The following TBC1D15 variants were observed in gnomAD, a reference collection of about 807,000 sequenced individuals.
TBC1D15 encodes TBC1 domain family member 15, also known as GAP for RAB7.
A neutral mutation model predicts 95.4 loss-of-function variants in TBC1D15; 39 were observed. That is an observed-to-expected ratio of 0.41 (90% CI 0.32 to 0.53). The LOEUF (loss-of-function observed/expected upper bound fraction) is 0.53, where lower values mean the gene tolerates loss of function less well. Ranked by LOEUF, TBC1D15 falls within the 20% of genes least tolerant of loss-of-function variation. The pLI is 0.29. For missense variants in TBC1D15, 733 were observed against 794.3 expected (o/e 0.92, Z 0.93); for synonymous variants, 258 against 261.3 (o/e 0.99, Z 0.12).
chr12:71,879,032 T>C (rs1318780203), intron 3 of TBC1D15, among the ~76,000 whole-genome samples: 2 of 152,210 alleles, frequency 1.3e-5, no homozygotes, highest in African/African-American at 2.4e-5. Flanking sequence ...AAAAGAATTA[T>C]ACTATTGACA....
chr12:71,874,599 C>T (rs1893383477), intron 3 of TBC1D15, among the ~76,000 whole-genome samples: 1 of 150,884 alleles, frequency 6.6e-6, no homozygotes, highest in South Asian at 2.1e-4. Context: ...ATCTTTTGCC[C>T]ATTTATTTAT....
At chr12:71,905,857 T>A (rs376067845) in intron 10 of TBC1D15, among the ~76,000 whole-genome samples, 3 of 152,122 alleles carry the variant, frequency 2.0e-5, no homozygotes, top group East Asian at 3.9e-4. Flanking sequence ...CTCTGTTGTA[T>A]CTCCTTATCT....
At chr12:71,878,161 G>C (rs1461179402) in intron 3 of TBC1D15, among the ~76,000 whole-genome samples, 1 of 152,150 alleles carries the variant, frequency 6.6e-6, no homozygotes. Context: ...AAAAAGGGCT[G>C]GGAGTCTTGC....
intron 10 of TBC1D15, among the ~76,000 whole-genome samples, chr12:71,898,634 C>T (rs1196755678): frequency 2.0e-5 from 3 of 152,090 alleles, no homozygotes; most frequent in African/African-American, 7.2e-5. Context: ...GTTCTTATTA[C>T]ACTGTCTCTG....
At chr12:71,877,535 CCTTCCTTCCTTCCTTCCTTCCTTCCTTT>C (rs1269549137) in intron 3 of TBC1D15, among the ~76,000 whole-genome samples, 2,899 of 140,582 alleles carry the variant, frequency 0.021, 136 homozygotes, top group African/African-American at 0.075. Context: ...TTCCTTCCTT[CCTTCCTTCCTTCCTTCCTTCCTTCCTTT>C]CTTCTTTTTC....
intron 4 of TBC1D15, among the ~76,000 whole-genome samples, chr12:71,882,564 T>G (rs1350200606): frequency 6.6e-6 from 1 of 152,248 alleles, no homozygotes; most frequent in African/African-American, 2.4e-5. Flanking sequence ...TTCTTTACCT[T>G]TGCTTTGAGT....
rs956561121 is a variant in TBC1D15 at position 71,884,719 on chromosome 12, A to G, written c.344-92A>G. On this transcript the variant is annotated intron_variant, in intron 4 of 16. Coordinates refer to ENST00000485960, the MANE Select transcript of TBC1D15 (RefSeq NM_001146213.3). The stretch of plus-strand genomic sequence containing the variant: ...AGTGCTATACTGATTCCCTGGGTTC[A>G]ACTAATTTATGTTAGGCAGTCATGG... The G allele has an allele frequency of 3.4e-6, 4 of 1,186,432 alleles. No individual in the cohort carries two copies. In the African/African-American group the frequency reaches 6.1e-5, roughly 18 times the overall value. 73.5% of individuals were successfully genotyped at this position (1,186,432 alleles called of 1,614,324 possible). A position where few individuals can be genotyped will look rare whatever the true frequency, so the allele number is the denominator to read the frequency against.
At chr12:71,903,603 G>A (rs923398918) in intron 10 of TBC1D15, among the ~76,000 whole-genome samples, 5 of 152,124 alleles carry the variant, frequency 3.3e-5, no homozygotes, top group Non-Finnish European at 5.9e-5. Flanking sequence ...CAACAGAGAA[G>A]ACATGAAATC....
intron 12 of TBC1D15, among the ~76,000 whole-genome samples, chr12:71,915,635 A>G (rs1269608983): frequency 1.3e-5 from 2 of 152,092 alleles, no homozygotes; most frequent in Non-Finnish European, 1.5e-5. Context: ...AACATGTGTA[A>G]TAAACACTTT....
chr12:71,908,470 A>G (rs947124402), intron 11 of TBC1D15, among the ~76,000 whole-genome samples: 3 of 152,322 alleles, frequency 2.0e-5, no homozygotes, highest in African/African-American at 7.2e-5. Context: ...TTAGCACATT[A>G]AAACTAAATG....
chr12:71,854,280 A>G (rs1888514396), intron 1 of TBC1D15, among the ~76,000 whole-genome samples: 1 of 152,042 alleles, frequency 6.6e-6, no homozygotes, highest in African/African-American at 2.4e-5. Context: ...TATTATTATT[A>G]TTATTTTTCT....
chr12:71,894,300 C>T (rs763882298), intron 6 of TBC1D15: 5 of 1,610,418 alleles, frequency 3.1e-6, no homozygotes, highest in Non-Finnish European at 4.2e-6. Flanking sequence ...GTACACACTT[C>T]AAGAAATATT....
rs368891768 is a variant in TBC1D15 at position 71,872,155 on chromosome 12, G to A, written c.116G>A (p.Arg39His). The change falls in exon 2 of 17, where the codon CGT becomes CAT. Residue 39 changes from arginine (R) to histidine (H), a missense_variant. Coordinates refer to ENST00000485960, the MANE Select transcript of TBC1D15 (RefSeq NM_001146213.3). Reference sequence around the variant, plus strand: ...GACGGCTTGATTTCAGGAATATTACGTGTTTTAGAAAAGGTAAGTTTCTAG... The same window carrying A: ...GACGGCTTGATTTCAGGAATATTACATGTTTTAGAAAAGGTAAGTTTCTAG... The part of the protein sequence containing the change: ...DQDGLISGIL[R>H]VLEKDAEVIV... 5.8e-6 allele frequency: 9 copies of A among 1,563,566 alleles called. No homozygotes were observed. Among genetic ancestry groups the A allele is most frequent in the African/African-American group, 2.8e-5 (2 of 72,604 alleles).
At chr12:71,878,811 C>G (rs889849106) in intron 3 of TBC1D15, among the ~76,000 whole-genome samples, 1 of 150,978 alleles carries the variant, frequency 6.6e-6, no homozygotes. Context: ...GCTACTGCAC[C>G]TGGCCTGAGG....
chr12:71,892,035 G>C (rs1017965195), intron 5 of TBC1D15, among the ~76,000 whole-genome samples: 1 of 152,090 alleles, frequency 6.6e-6, no homozygotes. Context: ...TTTCTTTTCT[G>C]ATGCTACATT....
At chr12:71,898,876 T>G (rs1898751178) in intron 10 of TBC1D15, among the ~76,000 whole-genome samples, 1 of 152,194 alleles carries the variant, frequency 6.6e-6, no homozygotes, top group Admixed American at 6.5e-5. Flanking sequence ...GCAGTGATAC[T>G]TTTGATCCAA....
At chr12:71,889,832 C>T (rs1896900193) in intron 5 of TBC1D15, among the ~76,000 whole-genome samples, 1 of 152,154 alleles carries the variant, frequency 6.6e-6, no homozygotes, top group Admixed American at 6.5e-5. Flanking sequence ...TGTTGTTCCT[C>T]TCTTTGTGTC....
intron 15 of TBC1D15, 31 bp downstream of exon 15, chr12:71,920,878 T>C: frequency 1.1e-5 from 17 of 1,503,386 alleles, no homozygotes; most frequent in Non-Finnish European, 1.5e-5. Context: ...GATTTTAGTG[T>C]TCTGGCTTTT....
intron 10 of TBC1D15, among the ~76,000 whole-genome samples, chr12:71,901,598 A>G (rs1191805807): frequency 1.3e-5 from 2 of 152,280 alleles, no homozygotes; most frequent in South Asian, 2.1e-4. Flanking sequence ...TAGGCATCAA[A>G]GGTACATAAC....
Sources: allele counts gnomAD v4.1 joint callset (sites outside exome capture counted in the v4.1 genomes callset), GRCh38; gene constraint gnomAD v4.1.1; transcripts MANE v1.5; gene names NCBI Gene and HGNC (gene_info 2026-07-23, HGNC 2026-07-21).